Variants in MMD2 observed in about 807,000 individuals in gnomAD.
The protein encoded by MMD2 is monocyte to macrophage differentiation factor 2.
Under a neutral mutation model 33.5 loss-of-function variants are expected in MMD2, and 30 were observed. The observed-to-expected ratio is 0.90, with a 90% CI of 0.67 to 1.22. The LOEUF is 1.22. Ranked by LOEUF, MMD2 falls within the 50% of genes most tolerant of loss-of-function variation. The pLI, the probability that MMD2 is intolerant of heterozygous loss-of-function variation, is 0.00. For missense variants in MMD2, 364 were observed against 325.4 expected (o/e 1.12, Z -0.91); for synonymous variants, 129 against 123.0 (o/e 1.05, Z -0.32).
chr7:4,935,864 A>G (rs929407133), intron 1 of MMD2, among the ~76,000 whole-genome samples: 1 of 151,878 alleles, frequency 6.6e-6, no homozygotes, highest in Non-Finnish European at 1.5e-5. Flanking sequence ...TCTTGCAACT[A>G]CCTGTGCATT....
At position 4,910,053 on chromosome 7, in the gene MMD2, C is replaced by G. The variant is rs149529712; in HGVS notation, c.468-103G>C. On this transcript the variant is annotated intron_variant, in intron 5 of 6. Transcript: ENST00000401401. ...GGAAGAGGGAACACTCTGGCCAGAA[C>G]AGTGAGAAGAAAGGACGCTTTCTCT... The G allele has an allele frequency of 4.3e-6, 7 of 1,611,144 alleles. No homozygotes were observed. The African/African-American group carries it at 8.0e-5, about 18-fold the overall frequency.
At chr7:4,903,461 G>C (rs936340596), downstream of MMD2, among the ~76,000 whole-genome samples, 1 of 152,060 alleles carries the variant, frequency 6.6e-6, no homozygotes, top group African/African-American at 2.4e-5. Context: ...GAAAGGAGAA[G>C]GCTCAACGCC....
At position 4,911,077 on chromosome 7, in the gene MMD2, A is replaced by G. The variant is rs965339040; in HGVS notation, c.467+68T>C. 73 of 1,312,970 alleles carry G rather than the reference A, an allele frequency of 5.6e-5. No individual in the cohort carries two copies. The Admixed American group carries it at 1.5e-3, about 26-fold the overall frequency. 81.3% of individuals were successfully genotyped at this position (1,312,970 alleles called of 1,614,324 possible). On this transcript the variant is annotated intron_variant, in intron 5 of 6. Transcript: ENST00000401401. Reference sequence around the variant, plus strand: ...GATCATCCTGGACTCTCGGCAGCCCAGGAGTGCTGGGGAGGCCAGAGCATC... The same window carrying G: ...GATCATCCTGGACTCTCGGCAGCCCGGGAGTGCTGGGGAGGCCAGAGCATC...
chr7:4,948,838 T>G (rs1012820643), intron 1 of MMD2, among the ~76,000 whole-genome samples: 6 of 152,188 alleles, frequency 3.9e-5, no homozygotes, highest in African/African-American at 1.4e-4. Context: ...TTTCTATGGT[T>G]TATAAGCCAC....
At chr7:4,911,936 C>T (rs907057509) in intron 4 of MMD2, among the ~76,000 whole-genome samples, 4 of 151,992 alleles carry the variant, frequency 2.6e-5, no homozygotes, top group Non-Finnish European at 4.4e-5. Context: ...CCTGAGCCAC[C>T]GCGCCCGGCC....
chr7:4,941,396 G>A (rs1424856409), intron 1 of MMD2, among the ~76,000 whole-genome samples: 2 of 152,200 alleles, frequency 1.3e-5, no homozygotes, highest in South Asian at 2.1e-4. Context: ...TTGGGAGGCC[G>A]AGGCAGGTGG....
chr7:4,899,411 C>T, the MMD2 span, among the ~76,000 whole-genome samples: 21 of 147,334 alleles, frequency 1.4e-4, no homozygotes, highest in East Asian at 7.9e-4. Context: ...TTTTTTGAAA[C>T]GAAGTCTTGC....
chr7:4,938,938 T>C (rs1208637471), intron 1 of MMD2, among the ~76,000 whole-genome samples: 1 of 151,846 alleles, frequency 6.6e-6, no homozygotes, highest in South Asian at 2.1e-4. Context: ...CTGGGCTCGA[T>C]GGCTCACGTC....
intron 1 of MMD2, among the ~76,000 whole-genome samples, chr7:4,947,708 T>G (rs1786128289): frequency 7.2e-6 from 1 of 138,310 alleles, no homozygotes; most frequent in African/African-American, 2.8e-5. Context: ...TTTTTTTTTT[T>G]TTTTTTTTTG....
intron 1 of MMD2, among the ~76,000 whole-genome samples, chr7:4,938,569 A>T (rs1785815570): frequency 6.6e-6 from 1 of 151,846 alleles, no homozygotes; most frequent in Non-Finnish European, 1.5e-5. Flanking sequence ...CAAATTTCCC[A>T]CCCTCTTAAT....
chr7:4,958,913 C>G (rs1786462342), intron 1 of MMD2, 58 bp downstream of exon 1: 6 of 1,270,304 alleles, frequency 4.7e-6, no homozygotes, highest in South Asian at 5.6e-5. Flanking sequence ...GCCTCCGCGG[C>G]CCCCGCCGCC....
chr7:4,920,229 C>T lies in MMD2; in HGVS notation c.232G>A (p.Gly78Ser), dbSNP rs367718221. ...SAWIYGLGLC[G>S]LFVVSTVFHT... The stretch of plus-strand genomic sequence containing the variant: ...AACACAGTGGACACCACGAAGAGGC[C>T]GCAGAGGCCGAGGCCGTAGATCCAG... The change falls in exon 3 of 7, where the codon GGC becomes AGC. Residue 78 changes from glycine to serine, a missense_variant. Coordinates refer to ENST00000401401, the MANE Select transcript of MMD2 (RefSeq NM_198403.4). 7.6e-6 allele frequency: 12 copies of T among 1,587,150 alleles called. No homozygotes were observed. The highest frequency in any genetic ancestry group is 4.0e-5 in the African/African-American group (3 of 74,412).
At chr7:4,926,839 G>A (rs1000274279) in intron 1 of MMD2, among the ~76,000 whole-genome samples, 1 of 151,948 alleles carries the variant, frequency 6.6e-6, no homozygotes, top group Admixed American at 6.6e-5. Flanking sequence ...CCGCCTCCTG[G>A]GTTCACGCCA....
intron 3 of MMD2, 132 bp downstream of exon 3, chr7:4,920,034 CGCCCA>C: frequency 9.8e-7 from 1 of 1,021,596 alleles, no homozygotes; most frequent in Non-Finnish European, 1.4e-6. Flanking sequence ...CCTGCAAAGT[CGCCCA>C]GCCCAGCCCC....
chr7:4,953,063 C>T (rs1786292187), intron 1 of MMD2, among the ~76,000 whole-genome samples: 1 of 151,886 alleles, frequency 6.6e-6, no homozygotes, highest in African/African-American at 2.4e-5. Flanking sequence ...TGGTCTCAAA[C>T]TCCTGGCCTC....
At chr7:4,934,270 T>A (rs1475231055) in intron 1 of MMD2, among the ~76,000 whole-genome samples, 1 of 150,422 alleles carries the variant, frequency 6.6e-6, no homozygotes, top group Admixed American at 6.8e-5. Context: ...CCCAACTAAT[T>A]TTTTTGGATT....
chr7:4,899,257 G>A, the MMD2 span, among the ~76,000 whole-genome samples: 1 of 152,138 alleles, frequency 6.6e-6, no homozygotes, highest in Non-Finnish European at 1.5e-5. Flanking sequence ...AATCCACCCA[G>A]TCTATGGTAT....
chr7:4,897,148 C>T, the MMD2 span, among the ~76,000 whole-genome samples: 1 of 151,258 alleles, frequency 6.6e-6, no homozygotes, highest in Non-Finnish European at 1.5e-5. Flanking sequence ...GCATGAGCCA[C>T]CACGCCCGGC....
At chr7:4,908,694 C>G (rs143795043) in intron 6 of MMD2, among the ~76,000 whole-genome samples, 2,552 of 151,472 alleles carry the variant, frequency 0.017, 46 homozygotes, top group Non-Finnish European at 0.023. Context: ...GTCAGGAGTT[C>G]GAGACCAGCC....
Sources: gnomAD v4.1 joint callset for allele counts (sites outside exome capture counted in the v4.1 genomes callset) on GRCh38, gnomAD v4.1.1 for gene constraint, MANE v1.5 for transcripts, NCBI Gene and HGNC (gene_info 2026-07-23, HGNC 2026-07-21) for gene names.